Variants in ECE1 observed in about 807,000 individuals in gnomAD.
ECE1 encodes the protein endothelin-converting enzyme 1.
A neutral mutation model predicts 98.6 loss-of-function variants in ECE1; 35 were observed. That is an observed-to-expected ratio of 0.35 (90% CI 0.27 to 0.47). The LOEUF (loss-of-function observed/expected upper bound fraction) is 0.47, where lower values mean the gene tolerates loss of function less well. Among genes scored for constraint, ECE1 ranks in the 20% least tolerant of loss-of-function variants. The probability of loss-of-function intolerance (pLI) is 1.00; values close to 1 mark genes in which losing one functional copy is unlikely to be tolerated. For missense variants in ECE1, 814 were observed against 1,025.3 expected (o/e 0.79, Z 2.81); for synonymous variants, 394 against 407.1 (o/e 0.97, Z 0.39).
rs912741351 is a variant in ECE1 at position 21,235,403 on chromosome 1, G to A, written c.1566+447C>T. 1.3e-5 allele frequency among the ~76,000 whole-genome samples: 2 copies of A among 152,342 alleles called. No homozygotes were observed. Among genetic ancestry groups the A allele is most frequent in the East Asian group, 3.9e-4 (2 of 5,178 alleles). On this transcript the variant is annotated intron_variant, in intron 13 of 18. Coordinates refer to ENST00000374893, the MANE Select transcript of ECE1 (RefSeq NM_001397.3). This position sits in a 1 kb window ranked among gnomAD's most constrained non-coding sequence, Gnocchi z 4.2. The stretch of plus-strand genomic sequence containing the variant: ...CGGGTTTCTGGGGAGGTGGAGGAGG[G>A]CCGCAGGGACAGGAGGTAACTGGAA...
At chr1:21,270,324 G>A (rs75473685) in intron 4 of ECE1, among the ~76,000 whole-genome samples, 1,804 of 152,342 alleles carry the variant, frequency 0.012, 31 homozygotes, top group African/African-American at 0.041. Flanking sequence ...CACAGCGCAC[G>A]GCGGACATCC....
intron 1 of ECE1, among the ~76,000 whole-genome samples, chr1:21,297,513 CTTTCTTT>C (rs1638386470): frequency 6.7e-6 from 1 of 148,960 alleles, no homozygotes; most frequent in Admixed American, 6.7e-5. Flanking sequence ...CCTGGCAGAA[CTTTCTTT>C]TTTCTTTTTC....
At position 21,219,264 on chromosome 1, in the gene ECE1, G is replaced by T; in HGVS notation, c.*691C>A. The T allele has an allele frequency of 6.5e-6, 1 of 152,804 alleles. No individual in the cohort carries two copies. Among genetic ancestry groups the T allele is most frequent in the Non-Finnish European group, 1.5e-5 (1 of 68,406 alleles). The allele number at this position is 152,804 out of a possible 1,614,324, so 9.5% of individuals were successfully genotyped here. On this transcript the variant is annotated 3_prime_UTR_variant, in exon 19 of 19. Coordinates refer to ENST00000374893, the MANE Select transcript of ECE1 (RefSeq NM_001397.3). The surrounding 1 kb of genome is among the most constrained non-coding windows in gnomAD (Gnocchi z 4.5). ...GGCTAGCTGAAGGGGCAGTGCCCATGAGCTGGGCCCCCCGCAGAGCAGGCT... is the reference window on the plus strand; with the variant it reads ...GGCTAGCTGAAGGGGCAGTGCCCATTAGCTGGGCCCCCCGCAGAGCAGGCT...
intron 9 of ECE1, among the ~76,000 whole-genome samples, chr1:21,245,681 C>T (rs1320459656): frequency 6.6e-6 from 1 of 152,100 alleles, no homozygotes; most frequent in African/African-American, 2.4e-5. Context: ...TCAGAATCAA[C>T]CAAAATGCCT....
Position 21,236,791 on chromosome 1 carries a change from G to A in ECE1, c.1443C>T (p.Thr481=), listed in dbSNP as rs759927547. ...IKKAFEESLS[T]LKWMDEETRK... ...GGGTTTCCTCATCCATCCACTTCAGGGTGCTCAGGCTTTCCTCAAATGCCT... is the reference window on the plus strand; with the variant it reads ...GGGTTTCCTCATCCATCCACTTCAGAGTGCTCAGGCTTTCCTCAAATGCCT... Residue 481 remains threonine (T), a synonymous_variant, in exon 12 of 19, where the codon ACC becomes ACT. Coordinates refer to ENST00000374893, the MANE Select transcript of ECE1 (RefSeq NM_001397.3). 1 of 1,613,658 alleles carries A rather than the reference G, an allele frequency of 6.2e-7. No homozygotes were observed. The highest frequency in any genetic ancestry group is 8.5e-7 in the Non-Finnish European group (1 of 1,179,978).
rs1639374324 is a variant in ECE1, at chr1:21,340,157, A to G, written c.3+5219T>C. ...CTGCATCCCCAGGTTGGCACATAGC[A>G]TTTTCTACCTTATTTCAGAGCGATC... On this transcript the variant is annotated intron_variant, in intron 1 of 18. Coordinates refer to the ECE1 transcript ENST00000415912. This position sits in a 1 kb window ranked among gnomAD's most constrained non-coding sequence, Gnocchi z 4.6. Among the ~76,000 whole-genome samples the G allele has an allele frequency of 6.6e-6, 1 of 152,110 alleles. No homozygotes were observed. The highest frequency in any genetic ancestry group is 1.5e-5 in the Non-Finnish European group (1 of 68,012).
rs1558374272 is a variant in ECE1 at position 21,235,788 on chromosome 1, G to A, written c.1566+62C>T. The A allele has an allele frequency of 8.4e-6, 13 of 1,549,760 alleles. No individual in the cohort carries two copies. Among genetic ancestry groups the A allele is most frequent in the Admixed American group, 1.7e-5 (1 of 59,924 alleles). ...TAGCACCCCATCTGGACCCAGCCCT[G>A]CCTCGGCCCTTTTCTAAGGGGGCAT... On this transcript the variant is annotated intron_variant, in intron 13 of 18. Transcript: ENST00000374893. The surrounding 1 kb of genome is among the most constrained non-coding windows in gnomAD (Gnocchi z 4.2).
At chr1:21,310,315 C>T (rs1638690488) in intron 1 of ECE1, among the ~76,000 whole-genome samples, 1 of 152,176 alleles carries the variant, frequency 6.6e-6, no homozygotes, top group African/African-American at 2.4e-5. Flanking sequence ...GCCAGGCTTA[C>T]CTTGTGGTAG....
intron 8 of ECE1, among the ~76,000 whole-genome samples, chr1:21,254,429 C>G (rs1007697138): frequency 2.0e-5 from 3 of 152,098 alleles, no homozygotes; most frequent in African/African-American, 4.8e-5. Flanking sequence ...AAACTCCCCC[C>G]ACCTTGGCAG....
In ECE1 at chr1:21,225,232, G is replaced by A. The variant is rs946811316; in HGVS notation, c.2040+18C>T. ...GCCAGCACTGGGACCGTGCGCGTGT[G>A]GGGAGCGGGGCTCTCACCCGATAGG... On this transcript the variant is annotated intron_variant, in intron 17 of 18. Coordinates refer to ENST00000374893, the MANE Select transcript of ECE1 (RefSeq NM_001397.3). This position sits in a 1 kb window ranked among gnomAD's most constrained non-coding sequence, Gnocchi z 5.3. 18 of 1,613,438 alleles carry A rather than the reference G, an allele frequency of 1.1e-5. No homozygotes were observed. Among genetic ancestry groups the A allele is most frequent in the Non-Finnish European group, 1.5e-5 (18 of 1,179,964 alleles).
At chr1:21,308,450 C>T (rs1034624181) in intron 1 of ECE1, among the ~76,000 whole-genome samples, 6 of 152,030 alleles carry the variant, frequency 3.9e-5, no homozygotes, top group Admixed American at 1.3e-4. Flanking sequence ...TTGGGAGTAA[C>T]AAGAGGAAGG....
At chr1:21,232,347 G>A (rs960535540) in intron 14 of ECE1, among the ~76,000 whole-genome samples, 11 of 151,498 alleles carry the variant, frequency 7.3e-5, no homozygotes, top group African/African-American at 2.7e-4. Flanking sequence ...TGCCCAGGCT[G>A]GAGTACAGTG....
intron 1 of ECE1, among the ~76,000 whole-genome samples, chr1:21,338,076 T>G: frequency 6.6e-6 from 1 of 152,084 alleles, no homozygotes; most frequent in East Asian, 1.9e-4. Context: ...CCCTCCCTCA[T>G]CCCTCTCATG....
chr1:21,223,000 A>C (rs1354739581), intron 17 of ECE1, among the ~76,000 whole-genome samples: 1 of 151,870 alleles, frequency 6.6e-6, no homozygotes, highest in African/African-American at 2.4e-5. Context: ...TTTTGGAGAC[A>C]GGGTCTTACT....
At chr1:21,282,589 A>AT (rs1294876145) in intron 2 of ECE1, among the ~76,000 whole-genome samples, 1 of 53,970 alleles carries the variant, frequency 1.9e-5, no homozygotes, top group African/African-American at 2.6e-4. Context: ...CGCTGTCTTG[A>AT]AAAAAAAAAA....
intron 1 of ECE1, among the ~76,000 whole-genome samples, chr1:21,334,697 G>C (rs1450500403): frequency 1.3e-5 from 2 of 152,074 alleles, no homozygotes; most frequent in Admixed American, 1.3e-4. Context: ...GTTCAGACAG[G>C]TCTGTCTGGC....
chr1:21,329,603 G>C (rs1336234327), intron 1 of ECE1, among the ~76,000 whole-genome samples: 1 of 152,210 alleles, frequency 6.6e-6, no homozygotes, highest in Non-Finnish European at 1.5e-5. Context: ...GATCTGAGGA[G>C]GTGCCTTATG....
chr1:21,225,461 T>C lies in ECE1; in HGVS notation c.1850-21A>G, dbSNP rs200801265. ...CCGTCCTGTGGGTCAGAGGGAGGCG[T>C]CATGTCAAGGGAGGGAGGGGCACAG... is the stretch of plus-strand genomic sequence containing the variant. On this transcript the variant is annotated intron_variant, in intron 16 of 18. Coordinates refer to ENST00000374893, the MANE Select transcript of ECE1 (RefSeq NM_001397.3). The surrounding 1 kb of genome is among the most constrained non-coding windows in gnomAD (Gnocchi z 5.3). The C allele has an allele frequency of 2.5e-4, 410 of 1,612,504 alleles. No homozygotes were observed. In the Middle Eastern group the frequency reaches 4.4e-3, roughly 17 times the overall value.
intron 8 of ECE1, among the ~76,000 whole-genome samples, chr1:21,249,541 AT>A (rs937431736): frequency 2.1e-5 from 3 of 145,528 alleles, no homozygotes; most frequent in African/African-American, 7.6e-5. Context: ...ACAAAAAAAA[AT>A]TTAAAACTTA....
Sources: allele counts gnomAD v4.1 joint callset (sites outside exome capture counted in the v4.1 genomes callset), GRCh38; gene constraint gnomAD v4.1.1; non-coding constraint Gnocchi (gnomAD v3.1); transcripts MANE v1.5; gene names NCBI Gene and HGNC (gene_info 2026-07-23, HGNC 2026-07-21).